The following ZFHX3 variants were observed in gnomAD, a reference collection of about 807,000 sequenced individuals.
ZFHX3 encodes zinc finger homeobox protein 3.
Under a neutral mutation model 279.1 loss-of-function variants are expected in ZFHX3, and 42 were observed. The observed-to-expected ratio is 0.15, with a 90% CI of 0.12 to 0.19. The LOEUF is 0.19. Among genes scored for constraint, ZFHX3 ranks in the 10% least tolerant of loss-of-function variants. The probability of loss-of-function intolerance (pLI) is 1.00; values close to 1 mark genes in which losing one functional copy is unlikely to be tolerated. For synonymous variants in ZFHX3, 2,293 were observed against 1,957.8 expected (o/e 1.17, Z -4.52); for missense variants, 4,981 against 4,754.0 (o/e 1.05, Z -1.40).
chr16:73,106,792 G>GC, intron 7 of ZFHX3, among the ~76,000 whole-genome samples: 1 of 152,190 alleles, frequency 6.6e-6, no homozygotes, highest in East Asian at 1.9e-4. Context: ...TAATGATGGT[G>GC]CACCTGTCTA....
intron 2 of ZFHX3, among the ~76,000 whole-genome samples, chr16:73,508,046 C>T (rs1317041980): frequency 2.0e-5 from 3 of 152,240 alleles, no homozygotes; most frequent in Non-Finnish European, 1.5e-5. Context: ...AAGATGATTT[C>T]CCTCAAATGC....
intron 1 of ZFHX3, among the ~76,000 whole-genome samples, chr16:73,745,207 T>C (rs771138747): frequency 6.6e-6 from 1 of 152,192 alleles, no homozygotes; most frequent in Non-Finnish European, 1.5e-5. Context: ...CCTTTTTCCT[T>C]CACTGTCTTG....
At chr16:73,835,458 CTTTTTTTTTTTTTTTTTT>C (rs34127285) in intron 1 of ZFHX3, among the ~76,000 whole-genome samples, 1 of 49,538 alleles carries the variant, frequency 2.0e-5, no homozygotes, top group African/African-American at 7.0e-5. Context: ...CCCTCTTCTG[CTTTTTTTTTTTTTTTTTT>C]TTTTTTTTTT....
At chr16:73,596,271 C>T (rs1385414268) in intron 2 of ZFHX3, among the ~76,000 whole-genome samples, 1 of 152,150 alleles carries the variant, frequency 6.6e-6, no homozygotes, top group Non-Finnish European at 1.5e-5. Context: ...GATCCACCCA[C>T]CTCGGCCTCC....
chr16:72,974,338 C>T (rs1422147026), intron 1 of ZFHX3, among the ~76,000 whole-genome samples: 1 of 152,192 alleles, frequency 6.6e-6, no homozygotes, highest in African/African-American at 2.4e-5. Context: ...ACACACAGGA[C>T]AATGGGGAAA....
chr16:73,815,786 AACTCCTG>A (rs1278858533), intron 1 of ZFHX3: 1 of 152,198 alleles, frequency 6.6e-6, no homozygotes, highest in African/African-American at 2.4e-5. Context: ...GCTAGTATCA[AACTCCTG>A]ACCTCAGGTA....
chr16:73,289,977 T>C (rs968576633), intron 4 of ZFHX3, among the ~76,000 whole-genome samples: 3 of 151,686 alleles, frequency 2.0e-5, no homozygotes, highest in South Asian at 2.1e-4. Context: ...ATGAAGATTA[T>C]AATGTGGAAG....
At chr16:73,501,369 G>A (rs2019236378) in intron 2 of ZFHX3, among the ~76,000 whole-genome samples, 1 of 152,150 alleles carries the variant, frequency 6.6e-6, no homozygotes, top group South Asian at 2.1e-4. Flanking sequence ...GAGACTGTGG[G>A]GCTTCGATAT....
At chr16:73,146,982 T>C (rs750023044) in intron 5 of ZFHX3, among the ~76,000 whole-genome samples, 4 of 152,216 alleles carry the variant, frequency 2.6e-5, no homozygotes, top group Non-Finnish European at 5.9e-5. Context: ...TTAAGCCTCT[T>C]ATTAATAGAA....
chr16:73,686,455 T>C (rs1466311004), intron 1 of ZFHX3, among the ~76,000 whole-genome samples: 2 of 152,190 alleles, frequency 1.3e-5, no homozygotes, highest in Admixed American at 1.3e-4. Context: ...GTTGGGTGTC[T>C]TGCATAACAC....
chr16:73,343,917 T>C (rs1289350007), intron 3 of ZFHX3, among the ~76,000 whole-genome samples: 1 of 152,164 alleles, frequency 6.6e-6, no homozygotes, highest in Non-Finnish European at 1.5e-5. Context: ...AAGTTCTTTC[T>C]TGCAGTAGAA....
rs2012465859 is a variant in ZFHX3, at chr16:73,222,834, G to A, written c.-1104+34213C>T. 2.0e-5 allele frequency among the ~76,000 whole-genome samples: 3 copies of A among 152,106 alleles called. No individual in the cohort carries two copies. In the South Asian group the frequency reaches 6.2e-4, roughly 31 times the overall value. On this transcript the variant is annotated intron_variant, in intron 5 of 17. Transcript: ENST00000641206. ...CGTCAAGACTTACCTTAAAGCCACA[G>A]CAATTGAGACAGTAAAGTATTGGGT...
intron 2 of ZFHX3, among the ~76,000 whole-genome samples, chr16:73,654,634 C>T (rs1396051124): frequency 6.6e-6 from 1 of 151,434 alleles, no homozygotes; most frequent in East Asian, 1.9e-4. Flanking sequence ...TGGTTGTAAA[C>T]CAAATTATTG....
At chr16:72,857,320 T>C (rs185775142) in intron 4 of ZFHX3, among the ~76,000 whole-genome samples, 4 of 152,338 alleles carry the variant, frequency 2.6e-5, no homozygotes, top group Admixed American at 1.3e-4. Flanking sequence ...TTAGTTTTCA[T>C]AGAGGACCAG....
chr16:73,116,360 G>T (rs1356661580), intron 7 of ZFHX3, among the ~76,000 whole-genome samples: 4 of 152,110 alleles, frequency 2.6e-5, no homozygotes, highest in Admixed American at 1.3e-4. Context: ...CTTAGGACAA[G>T]GAGGGCTTGG....
At chr16:72,915,848 G>T (rs1308773423) in intron 3 of ZFHX3, among the ~76,000 whole-genome samples, 1 of 152,060 alleles carries the variant, frequency 6.6e-6, no homozygotes, top group East Asian at 1.9e-4. Flanking sequence ...TTATTAATAA[G>T]TTAATCTCTG....
chr16:73,591,562 G>A (rs1337469343), intron 2 of ZFHX3, among the ~76,000 whole-genome samples: 7 of 151,056 alleles, frequency 4.6e-5, no homozygotes, highest in South Asian at 2.1e-4. Context: ...GCATGGTGGC[G>A]GGCACCTGTA....
intron 2 of ZFHX3, among the ~76,000 whole-genome samples, chr16:73,570,453 T>C (rs533133808): frequency 1.3e-5 from 2 of 152,318 alleles, no homozygotes; most frequent in East Asian, 3.9e-4. Flanking sequence ...TTTTTTCTAG[T>C]TTAGACCTTT....
intron 3 of ZFHX3, among the ~76,000 whole-genome samples, chr16:72,914,361 T>C (rs1415417509): frequency 6.6e-6 from 1 of 152,060 alleles, no homozygotes; most frequent in East Asian, 1.9e-4. Context: ...TGGAAGAAGC[T>C]CAGAACCCAC....
Sources: allele counts gnomAD v4.1 joint callset (sites outside exome capture counted in the v4.1 genomes callset), GRCh38; gene constraint gnomAD v4.1.1; transcripts MANE v1.5; gene names NCBI Gene and HGNC (gene_info 2026-07-23, HGNC 2026-07-21).